Variants in FAM228B observed in about 807,000 individuals in gnomAD.
The protein encoded by FAM228B is protein FAM228B.
FAM228B carries 38 observed loss-of-function variants against 42.6 expected under a neutral mutation model. The observed-to-expected ratio is 0.89, with a 90% confidence interval of 0.69 to 1.17. The LOEUF (loss-of-function observed/expected upper bound fraction) is 1.17, where lower values mean the gene tolerates loss of function less well. Ranked by LOEUF, FAM228B falls within the 50% of genes most tolerant of loss-of-function variation. The pLI, the probability that FAM228B is intolerant of heterozygous loss-of-function variation, is 0.00. For missense variants in FAM228B, 344 were observed against 367.3 expected, an observed-to-expected ratio of 0.94 and a Z score of 0.52; for synonymous variants, 109 against 122.3, an observed-to-expected ratio of 0.89 and a Z score of 0.72.
At chr2:24,090,088 A>G (rs1236620191) in intron 2 of FAM228B, among the ~76,000 whole-genome samples, 1 of 151,550 alleles carries the variant, frequency 6.6e-6, no homozygotes, top group Non-Finnish European at 1.5e-5. Context: ...CCTGGCTAAC[A>G]TGGTGTATTT....
At chr2:24,129,308 T>C (rs567845066) in intron 2 of FAM228B, among the ~76,000 whole-genome samples, 1 of 107,612 alleles carries the variant, frequency 9.3e-6, no homozygotes, top group African/African-American at 2.7e-5. Flanking sequence ...TATTTTATCT[T>C]TTTTTTTTTT....
chr2:24,128,133 A>G (rs918649332), intron 2 of FAM228B, among the ~76,000 whole-genome samples: 3 of 152,180 alleles, frequency 2.0e-5, no homozygotes, highest in Non-Finnish European at 4.4e-5. Flanking sequence ...TTTTAAGTTC[A>G]CTAACTTTCT....
chr2:24,152,654 A>C (rs923394865), intron 7 of FAM228B, among the ~76,000 whole-genome samples: 4 of 152,280 alleles, frequency 2.6e-5, no homozygotes, highest in Middle Eastern at 3.4e-3. Flanking sequence ...GTGCTGAGCC[A>C]CCTGGAGCTG....
At position 24,161,612 on chromosome 2, in the gene FAM228B, AAGT is replaced by A; in HGVS notation, c.794+1_794+3del. The A allele has an allele frequency of 6.7e-7, 1 of 1,502,338 alleles. No homozygotes were observed. Among genetic ancestry groups the A allele is most frequent in the Non-Finnish European group, 9.1e-7 (1 of 1,102,060 alleles). The allele number at this position is 1,502,338 out of a possible 1,614,324, so 93.1% of individuals were successfully genotyped here. On this transcript the variant is annotated splice_donor_variant and coding_sequence_variant, in exon 8 of 11. Coordinates refer to ENST00000615575, the MANE Select transcript of FAM228B (RefSeq NM_001145710.2). LOFTEE classifies it high-confidence loss of function. The stretch of plus-strand genomic sequence containing the variant: ...GGAAGAAGAAAAAACAGTTATTTAC[AAGT>A]AAGTCTGTTCTTCCATAGCTTTGCT...
chr2:24,158,845 AC>A (rs2151029768), intron 7 of FAM228B, among the ~76,000 whole-genome samples: 1 of 152,314 alleles, frequency 6.6e-6, no homozygotes, highest in African/African-American at 2.4e-5. Context: ...GCTTGCCATA[AC>A]AAAGCACTGC....
intron 2 of FAM228B, chr2:24,087,271 C>A (rs571832176): frequency 1.3e-5 from 2 of 151,992 alleles, no homozygotes; most frequent in African/African-American, 4.8e-5. Flanking sequence ...ACTAGATATA[C>A]GGTCTTGCTA....
chr2:24,112,997 T>G (rs1362787594), intron 3 of FAM228B, among the ~76,000 whole-genome samples: 1 of 149,386 alleles, frequency 6.7e-6, no homozygotes, highest in African/African-American at 2.4e-5. Context: ...AAGACACAGT[T>G]AGTCTTCAGG....
chr2:24,165,515 T>C, intron 9 of FAM228B: 1 of 469,036 alleles, frequency 2.1e-6, no homozygotes, highest in South Asian at 1.6e-5. Flanking sequence ...GCTGCATGCC[T>C]GTTGTCTGCT....
At chr2:24,087,812 C>T (rs1173131492) in intron 2 of FAM228B, among the ~76,000 whole-genome samples, 2 of 144,442 alleles carry the variant, frequency 1.4e-5, no homozygotes, top group African/African-American at 2.6e-5. Context: ...GACAGAGTCT[C>T]ACTCTGTCAC....
upstream of FAM228B, among the ~76,000 whole-genome samples, chr2:24,120,872 C>CTT (rs35518003): frequency 2.8e-5 from 4 of 141,842 alleles, no homozygotes. Flanking sequence ...ATGATTATCT[C>CTT]TTTTTTTTTT....
At chr2:24,127,470 G>C (rs1666344032) in intron 2 of FAM228B, among the ~76,000 whole-genome samples, 1 of 152,140 alleles carries the variant, frequency 6.6e-6, no homozygotes, top group Non-Finnish European at 1.5e-5. Flanking sequence ...GAGTGGAATT[G>C]TTTGTTGGGT....
intron 7 of FAM228B, among the ~76,000 whole-genome samples, chr2:24,152,189 A>G (rs1024776689): frequency 2.0e-5 from 3 of 152,118 alleles, no homozygotes; most frequent in Admixed American, 1.3e-4. Context: ...AATTATTTCA[A>G]TTTCTTTGTT....
chr2:24,157,950 G>A (rs1430681727), intron 7 of FAM228B, among the ~76,000 whole-genome samples: 6 of 152,038 alleles, frequency 3.9e-5, no homozygotes, highest in Admixed American at 2.0e-4. Context: ...AAAACACAGT[G>A]CCACACTTTC....
chr2:24,095,729 G>C lies in FAM228B; in HGVS notation c.-121+500G>C, dbSNP rs139593059. ...AACTTTTGCAGACTTAAAGGTCCCTGTCTGACAGCTCTGAAGAGAGCATTG... is the reference window on the plus strand; with the variant it reads ...AACTTTTGCAGACTTAAAGGTCCCTCTCTGACAGCTCTGAAGAGAGCATTG... On this transcript the variant is annotated intron_variant, in intron 3 of 10. Coordinates refer to the FAM228B transcript ENST00000613899. This position sits in a 1 kb window ranked among gnomAD's most constrained non-coding sequence, Gnocchi z 4.8. The C allele has an allele frequency of 9.2e-5, 14 of 152,528 alleles. No individual in the cohort carries two copies. Among genetic ancestry groups the C allele is most frequent in the African/African-American group, 2.9e-4 (12 of 41,588 alleles). The allele number at this position is 152,528 out of a possible 1,614,324, so 9.4% of individuals were successfully genotyped here. A position where few individuals can be genotyped will look rare whatever the true frequency, so the allele number is the denominator to read the frequency against.
At chr2:24,165,363 G>A (rs1436374760) in intron 9 of FAM228B, 17 of 471,024 alleles carry the variant, frequency 3.6e-5, no homozygotes, top group Admixed American at 1.4e-4. Context: ...AAAGGACAAT[G>A]CCTTTTCAGG....
Position 24,084,532 on chromosome 2 carries a change from C to T in FAM228B, c.-210+3577C>T. ...GCGGACCCGGCCTCCGCCCCGAGCT[C>T]CTGCCTGGGAAGTCCTCGGCCGCCT... is the stretch of plus-strand genomic sequence containing the variant. On this transcript the variant is annotated intron_variant, in intron 2 of 10. Coordinates refer to the FAM228B transcript ENST00000613899. This position sits in a 1 kb window ranked among gnomAD's most constrained non-coding sequence, Gnocchi z 8.4. The T allele has an allele frequency of 4.5e-6, 3 of 662,316 alleles. No homozygotes were observed. Among genetic ancestry groups the T allele is most frequent in the Middle Eastern group, 8.6e-4 (2 of 2,324 alleles). 41.0% of individuals were successfully genotyped at this position (662,316 alleles called of 1,614,324 possible).
chr2:24,108,381 C>T (rs1665733115), intron 3 of FAM228B, among the ~76,000 whole-genome samples: 1 of 152,100 alleles, frequency 6.6e-6, no homozygotes, highest in South Asian at 2.1e-4. Context: ...AAAGCTGGTA[C>T]CATTCCAACA....
At chr2:24,091,483 C>A (rs1359418979) in intron 2 of FAM228B, among the ~76,000 whole-genome samples, 1 of 152,048 alleles carries the variant, frequency 6.6e-6, no homozygotes, top group Non-Finnish European at 1.5e-5. Flanking sequence ...ACAAGAGATG[C>A]TAATTTTAAA....
intron 3 of FAM228B, among the ~76,000 whole-genome samples, chr2:24,113,899 AC>A (rs1558374987): frequency 6.6e-6 from 1 of 152,026 alleles, no homozygotes; most frequent in African/African-American, 2.4e-5. Context: ...CAACAACAAA[AC>A]CCCCAAAAGA....
Sources: gnomAD v4.1 joint callset for allele counts (sites outside exome capture counted in the v4.1 genomes callset) on GRCh38, gnomAD v4.1.1 for gene constraint, Gnocchi (gnomAD v3.1) non-coding constraint, MANE v1.5 for transcripts, NCBI Gene and HGNC (gene_info 2026-07-23, HGNC 2026-07-21) for gene names.